CDH13: variants seen among roughly 807,000 people sequenced by gnomAD.
CDH13 encodes cadherin-13.
A neutral mutation model predicts 63.8 loss-of-function variants in CDH13; 24 were observed. The ratio of observed to expected loss-of-function variants is 0.38; its 90% CI spans 0.27 to 0.53. CDH13 has a LOEUF of 0.53. Among genes scored for constraint, CDH13 ranks in the 20% least tolerant of loss-of-function variants. The probability of loss-of-function intolerance (pLI) is 0.85; values close to 1 mark genes in which losing one functional copy is unlikely to be tolerated. For missense variants in CDH13, 1,049 were observed against 903.1 expected, an observed-to-expected ratio of 1.16 and a Z score of -2.07; for synonymous variants, 503 against 355.3, an observed-to-expected ratio of 1.42 and a Z score of -4.67.
intron 1 of CDH13, among the ~76,000 whole-genome samples, chr16:82,788,054 T>C (rs1343414760): frequency 6.6e-6 from 1 of 152,176 alleles, no homozygotes; most frequent in Non-Finnish European, 1.5e-5. Context: ...AGTGCCCTGT[T>C]GGAATAATAA....
chr16:82,796,526 GCA>G (rs1246249143), intron 1 of CDH13, among the ~76,000 whole-genome samples: 1 of 152,196 alleles, frequency 6.6e-6, no homozygotes, highest in African/African-American at 2.4e-5. Flanking sequence ...ATTCTAAAGG[GCA>G]CAGTTTTTCT....
chr16:82,896,535 A>G (rs1205423595), intron 2 of CDH13, among the ~76,000 whole-genome samples: 2 of 151,680 alleles, frequency 1.3e-5, no homozygotes, highest in East Asian at 1.9e-4. Flanking sequence ...GGCTCAAGCA[A>G]TCCGCCTGCC....
intron 4 of CDH13, among the ~76,000 whole-genome samples, chr16:83,167,273 G>C (rs1367755920): frequency 6.6e-6 from 1 of 151,654 alleles, no homozygotes; most frequent in East Asian, 1.9e-4. Flanking sequence ...GAGGCAGGTG[G>C]ATCACTTGAG....
intron 5 of CDH13, among the ~76,000 whole-genome samples, chr16:83,340,131 A>T (rs2090688972): frequency 1.3e-5 from 2 of 152,186 alleles, no homozygotes; most frequent in African/African-American, 4.8e-5. Context: ...CTACTTTTGT[A>T]TTTGACAGCT....
chr16:83,233,706 T>C (rs1270252658), intron 5 of CDH13, among the ~76,000 whole-genome samples: 1 of 152,218 alleles, frequency 6.6e-6, no homozygotes, highest in Non-Finnish European at 1.5e-5. Context: ...CCCAGCCCTC[T>C]TTCCTTTATA....
At chr16:83,610,251 ACCCAT>A (rs747529647) in intron 8 of CDH13, among the ~76,000 whole-genome samples, 64 of 152,292 alleles carry the variant, frequency 4.2e-4, no homozygotes, top group Non-Finnish European at 6.9e-4. Context: ...AAAAAAAAGT[ACCCAT>A]AATATCACTC....
chr16:83,654,425 G>A (rs1435562950), intron 8 of CDH13, among the ~76,000 whole-genome samples: 1 of 151,960 alleles, frequency 6.6e-6, no homozygotes, highest in Admixed American at 6.6e-5. Flanking sequence ...CAGGTCAGGA[G>A]ACCAGGATGG....
At chr16:83,563,512 T>C (rs897263939) in intron 7 of CDH13, among the ~76,000 whole-genome samples, 2 of 152,232 alleles carry the variant, frequency 1.3e-5, no homozygotes, top group African/African-American at 4.8e-5. Context: ...GTTGACTAAA[T>C]TGGTTAATCT....
chr16:83,475,650 C>T (rs1000702466), intron 6 of CDH13, among the ~76,000 whole-genome samples: 3 of 151,364 alleles, frequency 2.0e-5, no homozygotes, highest in Non-Finnish European at 4.4e-5. Flanking sequence ...GGTGTGATCT[C>T]GGCTCCCTGC....
chr16:83,032,952 GGTGTAT>G (rs1182963329), intron 3 of CDH13, among the ~76,000 whole-genome samples: 1 of 152,112 alleles, frequency 6.6e-6, no homozygotes, highest in Non-Finnish European at 1.5e-5. Context: ...ATACATATAC[GGTGTAT>G]GTGTATGTGT....
At chr16:83,523,438 G>C (rs980638117) in intron 7 of CDH13, among the ~76,000 whole-genome samples, 2 of 152,088 alleles carry the variant, frequency 1.3e-5, no homozygotes, top group Non-Finnish European at 2.9e-5. Flanking sequence ...GCTCTGTCTT[G>C]TCATATGTAC....
At chr16:83,008,603 A>G (rs1913792627) in intron 2 of CDH13, among the ~76,000 whole-genome samples, 1 of 152,154 alleles carries the variant, frequency 6.6e-6, no homozygotes, top group African/African-American at 2.4e-5. Flanking sequence ...CACAAACATA[A>G]TGTTATACTT....
chr16:83,422,899 A>C (rs2071759091), intron 6 of CDH13, among the ~76,000 whole-genome samples: 1 of 152,172 alleles, frequency 6.6e-6, no homozygotes. Context: ...GATCATGATA[A>C]AGGAGGAGGA....
intron 3 of CDH13, among the ~76,000 whole-genome samples, chr16:83,095,091 T>G: frequency 6.6e-6 from 1 of 152,208 alleles, no homozygotes; most frequent in East Asian, 1.9e-4. Flanking sequence ...GTCAACTTGA[T>G]AAGAAGATTT....
chr16:83,351,340 G>T lies in CDH13; in HGVS notation c.781+6334G>T, dbSNP rs182415671. Among the ~76,000 whole-genome samples, 118 of 124,352 alleles carry T rather than the reference G, an allele frequency of 9.5e-4. No individual in the cohort carries two copies. The Middle Eastern group carries it at 0.034, about 35-fold the overall frequency. The allele number at this position is 124,352 out of a possible 152,430, so 81.6% of individuals were successfully genotyped here. The stretch of plus-strand genomic sequence containing the variant: ...TTTAAAAAATAAATAAAGCAATTCT[G>T]TTCTTTTCAAGTGAAAGAAAATGCA... On this transcript the variant is annotated intron_variant, in intron 6 of 13. Coordinates refer to ENST00000567109, the MANE Select transcript of CDH13 (RefSeq NM_001257.5).
At chr16:83,368,324 A>G (rs556242948) in intron 6 of CDH13, among the ~76,000 whole-genome samples, 2 of 152,148 alleles carry the variant, frequency 1.3e-5, no homozygotes, top group African/African-American at 4.8e-5. Context: ...ATTGTTCCAA[A>G]TCCTCATCTA....
At chr16:83,610,254 C>T (rs375200386) in intron 8 of CDH13, among the ~76,000 whole-genome samples, 1 of 151,954 alleles carries the variant, frequency 6.6e-6, no homozygotes, top group Non-Finnish European at 1.5e-5. Context: ...AAAAAGTACC[C>T]ATAATATCAC....
At chr16:83,168,483 A>G (rs1567470235) in intron 4 of CDH13, among the ~76,000 whole-genome samples, 2 of 152,074 alleles carry the variant, frequency 1.3e-5, no homozygotes, top group Non-Finnish European at 2.9e-5. Flanking sequence ...TATTTCATGA[A>G]TAGATACAGA....
chr16:83,672,801 G>A (rs981051333), intron 9 of CDH13, among the ~76,000 whole-genome samples: 8 of 152,200 alleles, frequency 5.3e-5, no homozygotes, highest in African/African-American at 9.7e-5. Flanking sequence ...TCCAGGATAT[G>A]TGATGGAGAT....
Sources: allele counts gnomAD v4.1 joint callset (sites outside exome capture counted in the v4.1 genomes callset), GRCh38; gene constraint gnomAD v4.1.1; transcripts MANE v1.5; gene names NCBI Gene and HGNC (gene_info 2026-07-23, HGNC 2026-07-21).